Variants in PCDH11X observed in about 807,000 individuals in gnomAD.
PCDH11X encodes the protein protocadherin 11 X-linked.
Under a neutral mutation model 53.3 loss-of-function variants are expected in PCDH11X, and 18 were observed. That is an observed-to-expected ratio of 0.34 (90% CI 0.23 to 0.50). The LOEUF (loss-of-function observed/expected upper bound fraction) is 0.50. Among genes scored for constraint, PCDH11X ranks in the 20% least tolerant of loss-of-function variants. PCDH11X has a pLI of 0.98. For synonymous variants in PCDH11X, 279 were observed against 393.3 expected, an observed-to-expected ratio of 0.71 and a Z score of 3.44; for missense variants, 570 against 1,032.4, an observed-to-expected ratio of 0.55 and a Z score of 6.14.
At chrX:92,492,308 A>G (rs994067470) in intron 10 of PCDH11X, among the ~76,000 whole-genome samples, 1 of 111,997 alleles carries the variant, frequency 8.9e-6, no homozygotes, top group African/African-American at 3.2e-5. Flanking sequence ...AACCCACATT[A>G]TATTAGGAGA....
chrX:91,995,857 T>TG (rs2062408367), intron 6 of PCDH11X, among the ~76,000 whole-genome samples: 2 of 107,358 alleles, frequency 1.9e-5, no homozygotes, highest in African/African-American at 6.8e-5. Context: ...TTTTTGTTTT[T>TG]TTTTTTTTTT....
chrX:92,156,618 A>T (rs1435317994), intron 6 of PCDH11X, among the ~76,000 whole-genome samples: 1 of 111,985 alleles, frequency 8.9e-6, no homozygotes, highest in East Asian at 2.8e-4. Flanking sequence ...TATTGCCAGC[A>T]CCTAGTAGAA....
At chrX:92,538,096 T>A (rs2148734026) in intron 10 of PCDH11X, among the ~76,000 whole-genome samples, 1 of 105,661 alleles carries the variant, frequency 9.5e-6, no homozygotes, top group Admixed American at 1.0e-4. Flanking sequence ...TTATTAAATT[T>A]ACTTCTTTAT....
At chrX:92,319,740 A>G (rs1214114965) in intron 8 of PCDH11X, among the ~76,000 whole-genome samples, 3 of 111,516 alleles carry the variant, frequency 2.7e-5, no homozygotes, top group African/African-American at 9.8e-5. Context: ...ATGAGATTTT[A>G]TATATATAAA....
At chrX:92,172,058 A>G (rs2065833779) in intron 6 of PCDH11X, among the ~76,000 whole-genome samples, 1 of 105,943 alleles carries the variant, frequency 9.4e-6, no homozygotes, top group Non-Finnish European at 1.9e-5. Flanking sequence ...AGGATTTTCT[A>G]TATATAAGAT....
intron 8 of PCDH11X, 51 bp downstream of exon 8, chrX:92,263,194 C>T (rs752049318): frequency 9.7e-7 from 1 of 1,028,671 alleles, no homozygotes; most frequent in South Asian, 2.2e-5. Context: ...TGTGTTTATA[C>T]TGTGTGAAGC....
chrX:91,957,948 C>G (rs1246939098), intron 6 of PCDH11X, among the ~76,000 whole-genome samples: 1 of 109,408 alleles, frequency 9.1e-6, no homozygotes, highest in Non-Finnish European at 1.9e-5. Flanking sequence ...GAGCTCTATT[C>G]ATAGTACCCT....
At chrX:92,339,978 A>C (rs1403677579) in intron 8 of PCDH11X, among the ~76,000 whole-genome samples, 1 of 111,664 alleles carries the variant, frequency 9.0e-6, no homozygotes. Context: ...GTGATCCTGT[A>C]AAATCAAGCA....
intron 10 of PCDH11X, among the ~76,000 whole-genome samples, chrX:92,564,266 C>G (rs1217336190): frequency 1.9e-5 from 2 of 106,718 alleles, no homozygotes; most frequent in African/African-American, 6.7e-5. Flanking sequence ...TAGAAGAAAA[C>G]AATCCTAAAA....
chrX:92,425,448 T>A (rs750285991), intron 9 of PCDH11X, among the ~76,000 whole-genome samples: 5 of 105,870 alleles, frequency 4.7e-5, no homozygotes, highest in African/African-American at 6.8e-5. Flanking sequence ...ACTCCATTTT[T>A]TTTCACCTAA....
intron 6 of PCDH11X, among the ~76,000 whole-genome samples, chrX:92,150,342 A>G (rs1427823261): frequency 9.1e-6 from 1 of 109,752 alleles, no homozygotes; most frequent in Non-Finnish European, 1.9e-5. Flanking sequence ...CATTTTCTTA[A>G]TGACTGCAGA....
chrX:92,327,125 C>T lies in PCDH11X; in HGVS notation c.3145-60610C>T, dbSNP rs770042638. Among the ~76,000 whole-genome samples, 19 of 109,039 alleles carry T rather than the reference C, an allele frequency of 1.7e-4. No individual in the cohort carries two copies. In the East Asian group the frequency reaches 4.9e-3, roughly 28 times the overall value. The allele number at this position is 109,039 out of a possible 115,157, so 94.7% of individuals were successfully genotyped here. A position where few individuals can be genotyped will look rare whatever the true frequency, so the allele number is the denominator to read the frequency against. On this transcript the variant is annotated intron_variant, in intron 8 of 10. Transcript: ENST00000682573. ...ACCTAAAAGTCTAACATAGTAGGGTCAAACAATGGACTTGAAAGCCCTGGA... is the reference window on the plus strand; with the variant it reads ...ACCTAAAAGTCTAACATAGTAGGGTTAAACAATGGACTTGAAAGCCCTGGA...
intron 8 of PCDH11X, among the ~76,000 whole-genome samples, chrX:92,355,063 G>T (rs1238362880): frequency 1.8e-5 from 2 of 108,406 alleles, no homozygotes; most frequent in African/African-American, 6.8e-5. Context: ...GTTTCTAAAA[G>T]AAATTGCTAT....
At chrX:92,191,705 C>T (rs1045580587) in intron 6 of PCDH11X, among the ~76,000 whole-genome samples, 101 of 111,861 alleles carry the variant, frequency 9.0e-4, no homozygotes, top group African/African-American at 2.8e-3. Flanking sequence ...GTTCTTTTTG[C>T]GTTGAAAACT....
rs752688467 is a variant in PCDH11X, at chrX:92,516,162, T to C, written c.3367+47840T>C. Among the ~76,000 whole-genome samples the C allele has an allele frequency of 3.6e-5, 4 of 110,759 alleles. No individual in the cohort carries two copies. The South Asian group carries it at 1.5e-3, about 43-fold the overall frequency. The stretch of plus-strand genomic sequence containing the variant: ...TAATTCTGCCTATTGAATTGAGGGG[T>C]TGTTAATCCCTGGCAATCATGTTTG... On this transcript the variant is annotated intron_variant, in intron 10 of 10. Coordinates refer to ENST00000682573, the MANE Select transcript of PCDH11X (RefSeq NM_032968.5).
chrX:92,257,989 C>T (rs1052192447), intron 7 of PCDH11X, among the ~76,000 whole-genome samples: 5 of 112,462 alleles, frequency 4.4e-5, no homozygotes, highest in African/African-American at 1.6e-4. Context: ...AGGCTTCTTC[C>T]TGGAAATCCA....
chrX:92,513,915 A>T (rs1474317375), intron 10 of PCDH11X, among the ~76,000 whole-genome samples: 1 of 110,424 alleles, frequency 9.1e-6, no homozygotes, highest in Non-Finnish European at 1.9e-5. Context: ...CTGAGCAACC[A>T]CTAGTCTGCT....
chrX:91,931,971 T>A (rs2061390898), intron 6 of PCDH11X, among the ~76,000 whole-genome samples: 1 of 111,074 alleles, frequency 9.0e-6, no homozygotes, highest in Non-Finnish European at 1.9e-5. Context: ...ATCCTGATGC[T>A]CTCCCTCACC....
In PCDH11X at chrX:91,937,245, C is replaced by T. The variant is rs7886029; in HGVS notation, c.3033+57972C>T. 7.5e-3 allele frequency among the ~76,000 whole-genome samples: 832 copies of T among 110,307 alleles called. 9 individuals are homozygous for T. The highest frequency in any genetic ancestry group is 0.026 in the African/African-American group (797 of 30,537). On this transcript the variant is annotated intron_variant, in intron 6 of 10. Coordinates refer to ENST00000682573, the MANE Select transcript of PCDH11X (RefSeq NM_032968.5). The stretch of plus-strand genomic sequence containing the variant: ...TTTTAAATAATAGTACATATCAGTA[C>T]TATGTTGTTACAGTTTCGGGAATCT...
Sources: allele counts gnomAD v4.1 joint callset (sites outside exome capture counted in the v4.1 genomes callset), GRCh38; gene constraint gnomAD v4.1.1; transcripts MANE v1.5; gene names NCBI Gene and HGNC (gene_info 2026-07-23, HGNC 2026-07-21).